Variants in ZNF585A observed in about 807,000 individuals in gnomAD.
ZNF585A encodes the protein zinc finger protein 585A.
Under a neutral mutation model 14.9 loss-of-function variants are expected in ZNF585A, and 9 were observed. The observed-to-expected ratio is 0.60, with a 90% CI of 0.36 to 1.05. The LOEUF (loss-of-function observed/expected upper bound fraction) is 1.05. ZNF585A is among the 50% of genes least tolerant of loss of function. The pLI, the probability that ZNF585A is intolerant of heterozygous loss-of-function variation, is 0.01. For missense variants in ZNF585A, 726 were observed against 926.4 expected, an observed-to-expected ratio of 0.78 and a Z score of 2.81; for synonymous variants, 276 against 319.9, an observed-to-expected ratio of 0.86 and a Z score of 1.46.
intron 4 of ZNF585A, among the ~76,000 whole-genome samples, chr19:37,155,067 C>A (rs1195039289): frequency 6.9e-6 from 1 of 144,292 alleles, no homozygotes; most frequent in Non-Finnish European, 1.5e-5. Flanking sequence ...GTGGCGCGAT[C>A]TCGGCTCACT....
At chr19:37,164,635 C>T (rs1338492269) in intron 2 of ZNF585A, among the ~76,000 whole-genome samples, 2 of 152,134 alleles carry the variant, frequency 1.3e-5, no homozygotes, top group African/African-American at 2.4e-5. Flanking sequence ...AATAATCTCT[C>T]GAAAAGTAAA....
At chr19:37,158,316 T>G (rs191746052) in intron 2 of ZNF585A, among the ~76,000 whole-genome samples, 17 of 152,354 alleles carry the variant, frequency 1.1e-4, no homozygotes, top group African/African-American at 3.8e-4. Flanking sequence ...TTGGAATGTT[T>G]CAGTTGAAAG....
rs1971780673 is a variant in ZNF585A, at chr19:37,148,968, A to G, written c.*2621T>C. 1 of 152,224 alleles carries G rather than the reference A, an allele frequency of 6.6e-6. No homozygotes were observed. Among genetic ancestry groups the G allele is most frequent in the Non-Finnish European group, 1.5e-5 (1 of 68,030 alleles). The allele number at this position is 152,224 out of a possible 1,614,324, so 9.4% of individuals were successfully genotyped here. On this transcript the variant is annotated 3_prime_UTR_variant, in exon 5 of 5. Coordinates refer to ENST00000292841, the MANE Select transcript of ZNF585A (RefSeq NM_001288800.2). ...ATCAAAGGTAAAACTATGGAGACAGAAAAAATGTTGCCAGGATTAGAGGAG... is the reference window on the plus strand; with the variant it reads ...ATCAAAGGTAAAACTATGGAGACAGGAAAAATGTTGCCAGGATTAGAGGAG...
In ZNF585A at chr19:37,147,825, G is replaced by A. The variant is rs970935785; in HGVS notation, c.*3764C>T. 6.6e-6 allele frequency: 1 copy of A among 152,164 alleles called. No individual in the cohort carries two copies. Among genetic ancestry groups the A allele is most frequent in the African/African-American group, 2.4e-5 (1 of 41,436 alleles). The allele number at this position is 152,164 out of a possible 1,614,324, so 9.4% of individuals were successfully genotyped here. A position where few individuals can be genotyped will look rare whatever the true frequency, so the allele number is the denominator to read the frequency against. The stretch of plus-strand genomic sequence containing the variant: ...ACCTAAAATACAACAGCACTTTTGA[G>A]ATTCATCCATGTTGTAGTAAGTGTC... On this transcript the variant is annotated 3_prime_UTR_variant, in exon 5 of 5. Transcript: ENST00000292841.
intron 2 of ZNF585A, among the ~76,000 whole-genome samples, chr19:37,166,334 G>A (rs1022158439): frequency 6.6e-5 from 9 of 136,244 alleles, no homozygotes; most frequent in Admixed American, 4.7e-4. Context: ...TTTTTTTTGA[G>A]ACAGAGTCTC....
chr19:37,162,277 C>T (rs567189186), intron 2 of ZNF585A, among the ~76,000 whole-genome samples: 12 of 152,248 alleles, frequency 7.9e-5, no homozygotes, highest in Non-Finnish European at 1.6e-4. Flanking sequence ...TAATTGTGTT[C>T]GGAGATTACA....
intron 2 of ZNF585A, among the ~76,000 whole-genome samples, chr19:37,169,066 T>C (rs969766760): frequency 2.0e-5 from 3 of 152,212 alleles, no homozygotes; most frequent in African/African-American, 7.2e-5. Context: ...GCATTTCTAA[T>C]TGTTTTTAAT....
intron 3 of ZNF585A, 39 bp from the exon 4 acceptor site, chr19:37,155,996 T>C: frequency 6.2e-7 from 1 of 1,613,074 alleles, no homozygotes; most frequent in African/African-American, 1.3e-5. Context: ...GTCCAGCTAA[T>C]TGTGTTTCAG....
intron 2 of ZNF585A, among the ~76,000 whole-genome samples, chr19:37,159,401 G>T (rs1971981046): frequency 6.6e-6 from 1 of 151,908 alleles, no homozygotes; most frequent in African/African-American, 2.4e-5. Context: ...CAAAATACAT[G>T]ATCCTCCAAA....
chr19:37,159,712 G>A (rs900232067), intron 2 of ZNF585A, among the ~76,000 whole-genome samples: 1 of 151,664 alleles, frequency 6.6e-6, no homozygotes, highest in Non-Finnish European at 1.5e-5. Context: ...GTTCCACAAG[G>A]GAATCAAACA....
intron 1 of ZNF585A, among the ~76,000 whole-genome samples, chr19:37,171,773 G>C (rs1362333559): frequency 1.3e-5 from 2 of 151,914 alleles, no homozygotes; most frequent in African/African-American, 2.4e-5. Context: ...CGTGGTGGCG[G>C]GTGCCTCTAA....
intron 1 of ZNF585A, among the ~76,000 whole-genome samples, chr19:37,172,028 A>T (rs1972190965): frequency 6.6e-6 from 1 of 152,226 alleles, no homozygotes. Flanking sequence ...AATTAAGCAG[A>T]CAAAATAATC....
intron 2 of ZNF585A, among the ~76,000 whole-genome samples, chr19:37,159,934 G>A (rs967518077): frequency 1.1e-4 from 17 of 152,056 alleles, no homozygotes; most frequent in Non-Finnish European, 1.8e-4. Context: ...AAAATCTGTG[G>A]GATGCAGGTA....
rs899967262 is a variant in ZNF585A at position 37,151,997 on chromosome 19, A to G, written c.1902T>C (p.Tyr634=). The change falls in exon 5 of 5, where the codon TAT becomes TAC. Residue 634 remains tyrosine (Y), a synonymous_variant. Coordinates refer to ENST00000292841, the MANE Select transcript of ZNF585A (RefSeq NM_001288800.2). ...HQPVHTGEKP[Y]VCAECGKAFS... ...AGGCCTTCCCGCACTCGGCACACAC[A>G]TAGGGTTTCTCTCCTGTGTGAACTG... The G allele has an allele frequency of 1.6e-5, 26 of 1,613,296 alleles. No individual in the cohort carries two copies. Among genetic ancestry groups the G allele is most frequent in the Non-Finnish European group, 2.0e-5 (24 of 1,179,862 alleles).
chr19:37,151,928 G>C lies in ZNF585A; in HGVS notation c.1971C>G (p.Thr657=), dbSNP rs77646634. 7 of 1,612,770 alleles carry C rather than the reference G, an allele frequency of 4.3e-6. No homozygotes were observed. Among genetic ancestry groups the C allele is most frequent in the Non-Finnish European group, 5.9e-6 (7 of 1,179,716 alleles). The change falls in exon 5 of 5, where the codon ACC becomes ACG. Residue 657 remains threonine, a synonymous_variant. Coordinates refer to ENST00000292841, the MANE Select transcript of ZNF585A (RefSeq NM_001288800.2). ...CAGAACAAATGTAGGGCTTTTCTCCGGTATGAGTTTTCTGGTGCTTACTGA... is the reference window on the plus strand; with the variant it reads ...CAGAACAAATGTAGGGCTTTTCTCCCGTATGAGTTTTCTGGTGCTTACTGA... ...SNLSKHQKTH[T]GEKPYICSEC...
At chr19:37,163,445 T>TAAA (rs367729509) in intron 2 of ZNF585A, among the ~76,000 whole-genome samples, 3 of 117,248 alleles carry the variant, frequency 2.6e-5, no homozygotes, top group Non-Finnish European at 3.6e-5. Context: ...AGTAAAAAAG[T>TAAA]AAAAAAAAAA....
Position 37,170,562 on chromosome 19 carries a change from C to T in ZNF585A, c.-144-508G>A, listed in dbSNP as rs982704437. Among the ~76,000 whole-genome samples the T allele has an allele frequency of 3.9e-4, 59 of 152,354 alleles. 1 individual carries two copies. Among genetic ancestry groups the T allele is most frequent in the Non-Finnish European group, 1.5e-4 (10 of 68,040 alleles). ...GCAGTGGTGCGATCTCGGCTCACTG[C>T]AAGCTCTGCCTCCCAGGTTCAAGCA... On this transcript the variant is annotated intron_variant, in intron 1 of 4. Transcript: ENST00000292841.
chr19:37,153,498 T>G lies in ZNF585A; in HGVS notation c.401A>C (p.Lys134Thr). Residue 134 changes from lysine (K) to threonine (T), a missense_variant, in exon 5 of 5, where the codon AAA (lysine) becomes ACA (threonine). Coordinates refer to ENST00000292841, the MANE Select transcript of ZNF585A (RefSeq NM_001288800.2). ...CTTCTGGGTGAATATCTTTTCAAAT[T>G]TGGCGCATTCATAAGCTTTCTCCCC... ...YPGEKAYECA[K>T]FEKIFTQKSQ... 1 of 1,614,164 alleles carries G rather than the reference T, an allele frequency of 6.2e-7. No homozygotes were observed. Among genetic ancestry groups the G allele is most frequent in the Non-Finnish European group, 8.5e-7 (1 of 1,180,024 alleles).
rs937463486 is a variant in ZNF585A, at chr19:37,159,467, G to A, written c.73-3112C>T. Among the ~76,000 whole-genome samples, 12 of 152,094 alleles carry A rather than the reference G, an allele frequency of 7.9e-5. 1 individual carries two copies. Among genetic ancestry groups the A allele is most frequent in the Non-Finnish European group, 4.4e-5 (3 of 68,038 alleles). On this transcript the variant is annotated intron_variant, in intron 2 of 4. Coordinates refer to ENST00000292841, the MANE Select transcript of ZNF585A (RefSeq NM_001288800.2). Reference sequence around the variant, plus strand: ...AAAGGAATGCCTATTACCACATGGAGCTGTATACATTTAAAGAAAGTATGC... The same window carrying A: ...AAAGGAATGCCTATTACCACATGGAACTGTATACATTTAAAGAAAGTATGC...
Sources: allele counts gnomAD v4.1 joint callset (sites outside exome capture counted in the v4.1 genomes callset), GRCh38; gene constraint gnomAD v4.1.1; transcripts MANE v1.5; gene names NCBI Gene and HGNC (gene_info 2026-07-23, HGNC 2026-07-21).